The following GAS7 variants were observed in gnomAD, a reference collection of about 807,000 sequenced individuals.
The protein encoded by GAS7 is growth arrest specific 7, also known as growth arrest-specific protein 7.
A neutral mutation model predicts 71.1 loss-of-function variants in GAS7; 28 were observed. The ratio of observed to expected loss-of-function variants is 0.39; its 90% CI spans 0.29 to 0.54. The LOEUF (loss-of-function observed/expected upper bound fraction) is 0.54, where lower values mean the gene tolerates loss of function less well. GAS7 is among the 20% of genes least tolerant of loss of function. The pLI, the probability that GAS7 is intolerant of heterozygous loss-of-function variation, is 0.62. For synonymous variants in GAS7, 258 were observed against 245.8 expected, an observed-to-expected ratio of 1.05 and a Z score of -0.46; for missense variants, 436 against 627.8, an observed-to-expected ratio of 0.69 and a Z score of 3.27.
chr17:10,126,783 G>A (rs562341601), intron 1 of GAS7, among the ~76,000 whole-genome samples: 3 of 152,334 alleles, frequency 2.0e-5, no homozygotes, highest in Non-Finnish European at 2.9e-5. Context: ...ACTATGCTCC[G>A]GAACCAAGCC....
chr17:9,986,254 C>A (rs2070645287), intron 2 of GAS7, among the ~76,000 whole-genome samples: 2 of 152,162 alleles, frequency 1.3e-5, no homozygotes, highest in Non-Finnish European at 2.9e-5. Flanking sequence ...GCTGCTGCCA[C>A]CACCCCTTTG....
At chr17:10,037,733 AGGGGGT>A (rs1393067679) in intron 1 of GAS7, among the ~76,000 whole-genome samples, 1 of 17,936 alleles carries the variant, frequency 5.6e-5, no homozygotes, top group Non-Finnish European at 9.4e-5. Context: ...GAGAGATTAA[AGGGGGT>A]GGGGGTGGGG....
chr17:10,045,824 C>T (rs2072946125), intron 1 of GAS7, among the ~76,000 whole-genome samples: 1 of 152,222 alleles, frequency 6.6e-6, no homozygotes, highest in South Asian at 2.1e-4. Flanking sequence ...TCATATCCCA[C>T]TGTGACACCT....
At chr17:9,988,664 G>T (rs909470256) in intron 2 of GAS7, among the ~76,000 whole-genome samples, 2 of 151,926 alleles carry the variant, frequency 1.3e-5, no homozygotes, top group African/African-American at 4.8e-5. Context: ...TCCAGCCTGG[G>T]TGACAGAGCA....
chr17:9,957,400 C>T lies in GAS7; in HGVS notation c.525+1802G>A, dbSNP rs2069288865. Among the ~76,000 whole-genome samples the T allele has an allele frequency of 2.0e-5, 3 of 152,234 alleles. No individual in the cohort carries two copies. In the South Asian group the frequency reaches 6.2e-4, roughly 32 times the overall value. Reference sequence around the variant, plus strand: ...GCCCAACAAGGGCCGCCATCAGCCCCCTCCGGCCACACCCGAAGCCCTGGC... The same window carrying T: ...GCCCAACAAGGGCCGCCATCAGCCCTCTCCGGCCACACCCGAAGCCCTGGC... On this transcript the variant is annotated intron_variant, in intron 5 of 13. Coordinates refer to ENST00000432992, the MANE Select transcript of GAS7 (RefSeq NM_201433.2).
intron 1 of GAS7, among the ~76,000 whole-genome samples, chr17:10,129,523 A>C (rs1266101287): frequency 1.3e-5 from 2 of 152,126 alleles, no homozygotes; most frequent in Non-Finnish European, 2.9e-5. Context: ...TGACAGTGAG[A>C]CCCCATCTCA....
chr17:9,988,176 T>C (rs2070710823), intron 2 of GAS7, among the ~76,000 whole-genome samples: 2 of 152,244 alleles, frequency 1.3e-5, no homozygotes, highest in South Asian at 4.1e-4. Context: ...TCTTTCTTCC[T>C]TGCCCTGGTT....
At chr17:10,086,501 T>A (rs1312431234) in intron 1 of GAS7, among the ~76,000 whole-genome samples, 3 of 152,234 alleles carry the variant, frequency 2.0e-5, no homozygotes, top group Non-Finnish European at 2.9e-5. Context: ...GGGTTTGTTC[T>A]GGGCTTCCTC....
intron 1 of GAS7, among the ~76,000 whole-genome samples, chr17:10,100,695 G>C (rs893263642): frequency 5.3e-5 from 8 of 151,956 alleles, no homozygotes; most frequent in Admixed American, 3.9e-4. Context: ...TGACTTTCCT[G>C]GTTTTTTTCC....
chr17:10,016,682 G>A (rs1275802399), intron 2 of GAS7, among the ~76,000 whole-genome samples: 1 of 147,618 alleles, frequency 6.8e-6, no homozygotes, highest in Admixed American at 6.8e-5. Context: ...GGAAGGTCAA[G>A]GCCAGTAGAT....
At chr17:10,023,856 G>A (rs911173151) in intron 1 of GAS7, among the ~76,000 whole-genome samples, 1 of 152,182 alleles carries the variant, frequency 6.6e-6, no homozygotes, top group African/African-American at 2.4e-5. Context: ...GGGCACGGTG[G>A]CTCACACCTG....
intron 1 of GAS7, among the ~76,000 whole-genome samples, chr17:10,052,449 T>C (rs1355802294): frequency 6.6e-6 from 1 of 152,132 alleles, no homozygotes. Flanking sequence ...GGTAGGAAAC[T>C]ACCAAGAGAA....
At chr17:10,092,831 A>G (rs893972355) in intron 1 of GAS7, among the ~76,000 whole-genome samples, 10 of 152,250 alleles carry the variant, frequency 6.6e-5, no homozygotes, top group African/African-American at 2.4e-4. Flanking sequence ...CTTTGTCTCC[A>G]TGGTCACATC....
At chr17:10,005,968 C>T (rs1420448351) in intron 2 of GAS7, among the ~76,000 whole-genome samples, 5 of 152,270 alleles carry the variant, frequency 3.3e-5, no homozygotes, top group South Asian at 2.1e-4. Flanking sequence ...CTGTAATTAA[C>T]GAGTACTGGT....
At chr17:10,157,964 T>C (rs2074217341) in intron 1 of GAS7, among the ~76,000 whole-genome samples, 1 of 152,196 alleles carries the variant, frequency 6.6e-6, no homozygotes, top group African/African-American at 2.4e-5. Context: ...GCTATGATCG[T>C]ACCACTGCGC....
At position 9,946,920 on chromosome 17, in the gene GAS7, C is replaced by G. The variant is rs561187985; in HGVS notation, c.589G>C (p.Glu197Gln). 6.2e-7 allele frequency: 1 copy of G among 1,612,778 alleles called. No individual in the cohort carries two copies. The highest frequency in any genetic ancestry group is 8.5e-7 in the Non-Finnish European group (1 of 1,178,812). The change falls in exon 6 of 14, where the codon GAG becomes CAG. Residue 197 changes from glutamate (E) to glutamine (Q), a missense_variant. By Grantham distance (29) the Glu-to-Gln change is conservative. Coordinates refer to ENST00000432992, the MANE Select transcript of GAS7 (RefSeq NM_201433.2). ...MPEQQLLKPT[E>Q]WSYCDYFWAD... ...CAGAAGTAGTCGCAGTAGCTCCACTCGGTTGGTTTCAGCAGCTGCTGTTCC... is the reference window on the plus strand; with the variant it reads ...CAGAAGTAGTCGCAGTAGCTCCACTGGGTTGGTTTCAGCAGCTGCTGTTCC...
chr17:10,141,870 T>G (rs1362521478), intron 1 of GAS7, among the ~76,000 whole-genome samples: 3 of 152,212 alleles, frequency 2.0e-5, no homozygotes, highest in African/African-American at 7.2e-5. Flanking sequence ...AGAATAACTC[T>G]GTCAAGCTCA....
At chr17:9,920,182 A>AGCGTGTGTGTGTGTGT (rs112208548) in intron 11 of GAS7, among the ~76,000 whole-genome samples, 54 of 141,154 alleles carry the variant, frequency 3.8e-4, no homozygotes, top group African/African-American at 1.2e-3. Flanking sequence ...AGATCATGTA[A>AGCGTGTGTGTGTGTGT]GTGTGTGTGT....
chr17:9,960,567 G>C (rs1167320258), intron 4 of GAS7, among the ~76,000 whole-genome samples: 1 of 152,172 alleles, frequency 6.6e-6, no homozygotes, highest in Non-Finnish European at 1.5e-5. Context: ...GGATGGAGGG[G>C]CTTCAACAAG....
Sources: allele counts gnomAD v4.1 joint callset (sites outside exome capture counted in the v4.1 genomes callset), GRCh38; gene constraint gnomAD v4.1.1; transcripts MANE v1.5; gene names NCBI Gene and HGNC (gene_info 2026-07-23, HGNC 2026-07-21).